The following ASXL3 variants were observed in gnomAD, a reference collection of about 807,000 sequenced individuals.
ASXL3 encodes ASXL transcriptional regulator 3.
ASXL3 carries 34 observed loss-of-function variants against 170.6 expected under a neutral mutation model. The observed-to-expected ratio is 0.20, with a 90% CI of 0.15 to 0.27. The LOEUF is 0.27. Among genes scored for constraint, ASXL3 ranks in the 10% least tolerant of loss-of-function variants. The pLI is 1.00. For synonymous variants in ASXL3, 1,002 were observed against 989.1 expected (o/e 1.01, Z -0.24); for missense variants, 2,592 against 2,695.3 (o/e 0.96, Z 0.85).
intron 1 of ASXL3, among the ~76,000 whole-genome samples, chr18:33,586,750 G>A (rs2065038170): frequency 6.6e-6 from 1 of 152,032 alleles, no homozygotes; most frequent in African/African-American, 2.4e-5. Context: ...CTGAATTTTA[G>A]AATTTTGTTA....
Position 33,733,335 on chromosome 18 carries a change from GTTTCCTCTA to G in ASXL3, c.977-970_977-962del, listed in dbSNP as rs1189319790. 4.6e-5 allele frequency among the ~76,000 whole-genome samples: 7 copies of G among 152,098 alleles called. No homozygotes were observed. The East Asian group carries it at 1.4e-3, about 29-fold the overall frequency. ...CTCTTCCCTCTCAACTCCTTCTTCT[GTTTCCTCTA>G]TTTCTGTAATGTCACAACTGTCCTC... On this transcript the variant is annotated intron_variant, in intron 9 of 11. Coordinates refer to ENST00000269197, the MANE Select transcript of ASXL3 (RefSeq NM_030632.3).
intron 2 of ASXL3, among the ~76,000 whole-genome samples, chr18:33,609,930 T>G: frequency 6.6e-6 from 1 of 152,028 alleles, no homozygotes; most frequent in East Asian, 1.9e-4. Flanking sequence ...AATTTCCCCC[T>G]TCTTGTCAAT....
chr18:33,607,379 T>G (rs2065265741), intron 1 of ASXL3, among the ~76,000 whole-genome samples: 1 of 152,096 alleles, frequency 6.6e-6, no homozygotes, highest in South Asian at 2.1e-4. Flanking sequence ...TGTGACATGT[T>G]TGAAGGATGG....
chr18:33,687,276 A>C (rs932191923), intron 8 of ASXL3, among the ~76,000 whole-genome samples: 2 of 152,132 alleles, frequency 1.3e-5, no homozygotes, highest in African/African-American at 4.8e-5. Flanking sequence ...AACAAGCAAA[A>C]CTGCTGCTGT....
At chr18:33,714,196 T>C (rs1349620411) in intron 8 of ASXL3, among the ~76,000 whole-genome samples, 1 of 152,232 alleles carries the variant, frequency 6.6e-6, no homozygotes, top group Non-Finnish European at 1.5e-5. Flanking sequence ...TGTCGTCACT[T>C]TTTCTTTTTC....
At chr18:33,725,087 G>A (rs1479457043) in intron 8 of ASXL3, among the ~76,000 whole-genome samples, 3 of 152,002 alleles carry the variant, frequency 2.0e-5, no homozygotes, top group Admixed American at 6.6e-5. Context: ...GCTTTTATTC[G>A]TACTGGGATG....
intron 2 of ASXL3, among the ~76,000 whole-genome samples, chr18:33,624,991 G>A (rs1342270235): frequency 6.6e-6 from 1 of 152,030 alleles, no homozygotes; most frequent in Non-Finnish European, 1.5e-5. Context: ...CTTGTAAATT[G>A]CACATACATA....
At chr18:33,593,490 T>A (rs1213634321) in intron 1 of ASXL3, among the ~76,000 whole-genome samples, 1 of 151,932 alleles carries the variant, frequency 6.6e-6, no homozygotes, top group South Asian at 2.1e-4. Context: ...AACCCCTTCA[T>A]GTAGGAAAAG....
intron 2 of ASXL3, among the ~76,000 whole-genome samples, chr18:33,641,178 A>T (rs2065841284): frequency 6.6e-6 from 1 of 152,068 alleles, no homozygotes; most frequent in South Asian, 2.1e-4. Flanking sequence ...ACTGTCGGTA[A>T]AATTGTGTGT....
At chr18:33,706,531 T>C (rs2066962923) in intron 8 of ASXL3, among the ~76,000 whole-genome samples, 1 of 151,884 alleles carries the variant, frequency 6.6e-6, no homozygotes, top group Non-Finnish European at 1.5e-5. Flanking sequence ...CTGGATATTA[T>C]CAAACTTTAC....
intron 2 of ASXL3, among the ~76,000 whole-genome samples, chr18:33,625,000 T>G (rs192862935): frequency 6.6e-6 from 1 of 152,308 alleles, no homozygotes; most frequent in Admixed American, 6.5e-5. Context: ...TGCACATACA[T>G]ACACTAATGC....
rs879192019 is a variant in ASXL3, at chr18:33,578,491, G to GCCGCCA, written c.-136_-135insACCGCC. 2.1e-5 allele frequency: 6 copies of GCCGCCA among 279,902 alleles called. No individual in the cohort carries two copies. Among genetic ancestry groups the GCCGCCA allele is most frequent in the Admixed American group, 7.1e-5 (1 of 13,990 alleles). The allele number at this position is 279,902 out of a possible 1,614,324, so 17.3% of individuals were successfully genotyped here. A position where few individuals can be genotyped will look rare whatever the true frequency, so the allele number is the denominator to read the frequency against. On this transcript the variant is annotated 5_prime_UTR_variant, in exon 1 of 12. Transcript: ENST00000269197. ...CGCCGCCGCCGCCGCCGCCGCCGCCGCCGCCGCCACCGCCCGCGCGCCTCC... is the reference window on the plus strand; with the variant it reads ...CGCCGCCGCCGCCGCCGCCGCCGCCGCCGCCACCGCCGCCACCGCCCGCGCGCCTCC...
chr18:33,610,547 G>A (rs1414857241), intron 2 of ASXL3, among the ~76,000 whole-genome samples: 1 of 151,924 alleles, frequency 6.6e-6, no homozygotes, highest in East Asian at 1.9e-4. Flanking sequence ...TTCATTCTAT[G>A]TGTGCCAGGC....
At chr18:33,688,650 C>A (rs927756997) in intron 8 of ASXL3, among the ~76,000 whole-genome samples, 1 of 152,096 alleles carries the variant, frequency 6.6e-6, no homozygotes, top group African/African-American at 2.4e-5. Flanking sequence ...ATCAATGTGC[C>A]GATCATATAT....
At chr18:33,708,373 C>T (rs1160094195) in intron 8 of ASXL3, among the ~76,000 whole-genome samples, 3 of 152,146 alleles carry the variant, frequency 2.0e-5, no homozygotes, top group South Asian at 4.1e-4. Flanking sequence ...AAATAGCATG[C>T]ATATTGAATG....
chr18:33,738,787 T>C lies in ASXL3; in HGVS notation c.1383T>C (p.Ser461=). 1 of 1,613,832 alleles carries C rather than the reference T, an allele frequency of 6.2e-7. No homozygotes were observed. The highest frequency in any genetic ancestry group is 8.5e-7 in the Non-Finnish European group (1 of 1,179,862). Reference sequence around the variant, plus strand: ...AAATTGCAGAAGAGGTAGAGACTAGTATCTGTGAATGCCAGGATGAAAATC... The same window carrying C: ...AAATTGCAGAAGAGGTAGAGACTAGCATCTGTGAATGCCAGGATGAAAATC... ...QEEIAEEVET[S]ICECQDENHK... is the part of the protein sequence containing the mutation. The change falls in exon 11 of 12, where the codon AGT becomes AGC. Residue 461 remains serine (S), a synonymous_variant. Coordinates refer to ENST00000269197, the MANE Select transcript of ASXL3 (RefSeq NM_030632.3).
intron 7 of ASXL3, among the ~76,000 whole-genome samples, chr18:33,675,224 A>G (rs1400717719): frequency 6.6e-6 from 1 of 152,198 alleles, no homozygotes; most frequent in Non-Finnish European, 1.5e-5. Flanking sequence ...ATCTTCTTGA[A>G]TAAAAATGAT....
intron 7 of ASXL3, among the ~76,000 whole-genome samples, chr18:33,672,348 G>GA (rs60749648): frequency 6.6e-6 from 1 of 152,118 alleles, no homozygotes; most frequent in Non-Finnish European, 1.5e-5. Flanking sequence ...GTGCCTGTCT[G>GA]AAAAAATGTA....
intron 1 of ASXL3, among the ~76,000 whole-genome samples, chr18:33,603,438 A>C (rs1441506835): frequency 6.6e-6 from 1 of 151,776 alleles, no homozygotes; most frequent in Admixed American, 6.6e-5. Context: ...TTCTCCCCAT[A>C]CTAGGACGTG....
Sources: allele counts gnomAD v4.1 joint callset (sites outside exome capture counted in the v4.1 genomes callset), GRCh38; gene constraint gnomAD v4.1.1; transcripts MANE v1.5; gene names NCBI Gene and HGNC (gene_info 2026-07-23, HGNC 2026-07-21).